Variants in SPTBN5 observed in about 807,000 individuals in gnomAD.
SPTBN5 encodes the protein spectrin beta, non-erythrocytic 5, also known as spectrin beta chain, non-erythrocytic 5.
Under a neutral mutation model 477.6 loss-of-function variants are expected in SPTBN5, and 513 were observed. That is an observed-to-expected ratio of 1.07 (90% CI 1.00 to 1.16). The LOEUF (loss-of-function observed/expected upper bound fraction) is 1.16. SPTBN5 is among the 50% of genes most tolerant of loss of function. The pLI, the probability that SPTBN5 is intolerant of heterozygous loss-of-function variation, is 0.00. For missense variants in SPTBN5, 5,062 were observed against 4,731.8 expected (o/e 1.07, Z -2.05); for synonymous variants, 2,169 against 2,011.7 (o/e 1.08, Z -2.09).
Position 41,882,427 on chromosome 15 carries a change from C to G in SPTBN5, c.2089G>C (p.Asp697His), listed in dbSNP as rs780335240. Reference protein sequence around the residue: ...EVHRHQAVCVDLVRRGRDLSA... With the variant: ...EVHRHQAVCVHLVRRGRDLSA... ...AGGTCGCGTCCCCTCCGCACGAGATCTACGCACACGGCCTGGTGGCGGTGG... is the reference window on the plus strand; with the variant it reads ...AGGTCGCGTCCCCTCCGCACGAGATGTACGCACACGGCCTGGTGGCGGTGG... The change falls in exon 11 of 68, where the codon GAT becomes CAT. Residue 697 changes from aspartate (D) to histidine (H), a missense_variant. Asp to His is a moderately conservative substitution (Grantham distance 81, BLOSUM62 -1). Coordinates refer to ENST00000320955, the MANE Select transcript of SPTBN5 (RefSeq NM_016642.4). The G allele has an allele frequency of 8.4e-6, 13 of 1,548,244 alleles. No individual in the cohort carries two copies. The African/African-American group carries it at 1.6e-4, about 19-fold the overall frequency.
rs1036860261 is a variant in SPTBN5 at position 41,848,517 on chromosome 15, C to T, written c.*99G>A. The T allele has an allele frequency of 1.2e-5, 18 of 1,452,276 alleles. 1 individual carries two copies. The highest frequency in any genetic ancestry group is 1.1e-4 in the East Asian group (5 of 44,042). The allele number at this position is 1,452,276 out of a possible 1,614,324, so 90.0% of individuals were successfully genotyped here. On this transcript the variant is annotated 3_prime_UTR_variant, in exon 68 of 68. Coordinates refer to ENST00000320955, the MANE Select transcript of SPTBN5 (RefSeq NM_016642.4). ...CTGGGGAACTGGGTTGAAGCAGCCA[C>T]GGGAAGGAGCCCTTTTGCCTGTAGC...
Position 41,876,214 on chromosome 15 carries a change from GGCTCATGCGCA to G in SPTBN5, c.4011_4021del (p.Ala1338LeufsTer18). On this transcript the variant is annotated frameshift_variant, in exon 21 of 68. Transcript: ENST00000320955. LOFTEE classifies it high-confidence loss of function. Reference sequence around the variant, plus strand: ...CAGGATGTTTCTGCGCGCTCCGGAGGGCTCATGCGCAGCCATCAGCCCCTTCTCTTCCATCC... The same window carrying G: ...CAGGATGTTTCTGCGCGCTCCGGAGGGCCATCAGCCCCTTCTCTTCCATCC... The G allele has an allele frequency of 6.2e-7, 1 of 1,604,398 alleles. No individual in the cohort carries two copies. The highest frequency in any genetic ancestry group is 8.5e-7 in the Non-Finnish European group (1 of 1,179,210).
At position 41,854,118 on chromosome 15, in the gene SPTBN5, T is replaced by A; in HGVS notation, c.9706A>T (p.Lys3236Ter). 6.3e-7 allele frequency: 1 copy of A among 1,589,370 alleles called. No homozygotes were observed. Among genetic ancestry groups the A allele is most frequent in the Admixed American group, 1.8e-5 (1 of 57,076 alleles). The change falls in exon 57 of 68, where the codon AAG becomes TAG. Residue 3236 changes from lysine (K) to a stop codon, truncating the protein, a stop_gained. Transcript: ENST00000320955. LOFTEE classifies it high-confidence loss of function. ...GRMQEKTALM[K>*]GEDGGHSLSS... ...AGGCTGTGGCCTCCGTCCTCCCCCT[T>A]CATCAGGGCCGTCTTCTCCTGCATC...
chr15:41,857,841 T>C, intron 49 of SPTBN5, 131 bp from the exon 50 acceptor site: 6 of 1,104,802 alleles, frequency 5.4e-6, no homozygotes, highest in African/African-American at 3.1e-5. Flanking sequence ...TGAGCAACTT[T>C]CTTTACCTAA....
At chr15:41,868,275 G>A in intron 33 of SPTBN5, 57 bp from the exon 34 acceptor site, 1 of 1,567,458 alleles carries the variant, frequency 6.4e-7, no homozygotes, top group Middle Eastern at 1.8e-4. Context: ...GTGAGGTGAG[G>A]ACTGGATCCT....
In SPTBN5 at chr15:41,871,843, GCCAGCCAGC is replaced by G; in HGVS notation, c.5231_5239del (p.Gly1744_Leu1746del). On this transcript the variant is annotated inframe_deletion, in exon 28 of 68. Coordinates refer to ENST00000320955, the MANE Select transcript of SPTBN5 (RefSeq NM_016642.4). ...TCCTTTGGCTGCCTGCTTCTGGCTT[GCCAGCCAGC>G]CCTGCAGGTCCTCAGCCTCCCTCAG... The G allele has an allele frequency of 6.3e-7, 1 of 1,588,402 alleles. No homozygotes were observed. Among genetic ancestry groups the G allele is most frequent in the Non-Finnish European group, 8.6e-7 (1 of 1,168,064 alleles).
Position 41,861,890 on chromosome 15 carries a change from G to A in SPTBN5, c.7582C>T (p.Leu2528=). Residue 2528 remains leucine, a synonymous_variant, in exon 45 of 68, where the codon CTG becomes TTG. Coordinates refer to ENST00000320955, the MANE Select transcript of SPTBN5 (RefSeq NM_016642.4). ...ELDSWTDSIS[L]ARSTGQQLLT... is the part of the protein sequence containing the mutation. ...AGTTGCTGCCCAGTGCTTCGGGCCA[G>A]GCTGATGCTGTCTGTCCAGGAGTCC... 1 of 1,607,762 alleles carries A rather than the reference G, an allele frequency of 6.2e-7. No individual in the cohort carries two copies. The highest frequency in any genetic ancestry group is 8.5e-7 in the Non-Finnish European group (1 of 1,179,378).
At position 41,868,544 on chromosome 15, in the gene SPTBN5, T is replaced by G; in HGVS notation, c.5911A>C (p.Ser1971Arg). Residue 1971 changes from serine to arginine, a missense_variant, in exon 33 of 68, where the codon AGT (serine) becomes CGT (arginine). Ser to Arg is a moderately radical substitution (Grantham distance 110, BLOSUM62 -1). Transcript: ENST00000320955. ...RVRQDLQVEE[S>R]SQEPSSGPLK... ...GGGCCACTGCTAGGCTCTTGCGAAC[T>G]CTCCTCCACCTGCAGGTCCTGGCGC... The G allele has an allele frequency of 6.2e-7, 1 of 1,605,824 alleles. No homozygotes were observed. The highest frequency in any genetic ancestry group is 8.5e-7 in the Non-Finnish European group (1 of 1,179,724).
chr15:41,874,047 T>C lies in SPTBN5; in HGVS notation c.4690-2A>G. On this transcript the variant is annotated splice_acceptor_variant, in intron 24 of 67. Transcript: ENST00000320955. LOFTEE classifies it high-confidence loss of function. The stretch of plus-strand genomic sequence containing the variant: ...AGCTTTTACCTCCACCTGGAGCTCC[T>C]GCCACAGAGTGGCTTGAGAGGCTGC... The C allele has an allele frequency of 6.3e-7, 1 of 1,589,126 alleles. No homozygotes were observed. Among genetic ancestry groups the C allele is most frequent in the East Asian group, 2.3e-5 (1 of 44,332 alleles).
intron 46 of SPTBN5, 135 bp from the exon 47 acceptor site, chr15:41,860,893 A>T: frequency 1.2e-6 from 1 of 848,278 alleles, no homozygotes; most frequent in Non-Finnish European, 1.7e-6. Context: ...CATCCCTCAC[A>T]TCCCTCAAGG....
Position 41,857,761 on chromosome 15 carries a change from A to G in SPTBN5, c.8227-51T>C, listed in dbSNP as rs1385029477. 6.6e-6 allele frequency: 10 copies of G among 1,514,258 alleles called. No homozygotes were observed. The East Asian group carries it at 2.5e-4, about 37-fold the overall frequency. 93.8% of individuals were successfully genotyped at this position (1,514,258 alleles called of 1,614,324 possible). On this transcript the variant is annotated intron_variant, in intron 49 of 67. Transcript: ENST00000320955. ...TTGTGGACTCAGGACTGCTGGTACC[A>G]GGGCACTTGTGTTGACTCTGACCAC...
In SPTBN5 at chr15:41,857,202, G is replaced by C. The variant is rs751331876; in HGVS notation, c.8621+36C>G. The C allele has an allele frequency of 1.9e-6, 3 of 1,562,892 alleles. No individual in the cohort carries two copies. In the South Asian group the frequency reaches 3.6e-5, roughly 19 times the overall value. ...CAGGGGTGGGGGTCCCTCCAGGAAG[G>C]CAGGGAAGAGAAGCTGAGGGCACGG... On this transcript the variant is annotated intron_variant, in intron 51 of 67. Coordinates refer to ENST00000320955, the MANE Select transcript of SPTBN5 (RefSeq NM_016642.4).
rs371915421 is a variant in SPTBN5, at chr15:41,852,209, T to C, written c.10557A>G (p.Ala3519=). Residue 3519 remains alanine (A), a synonymous_variant, in exon 62 of 68, where the codon GCA becomes GCG. Transcript: ENST00000320955. ...GGGGGTCCCTCGTCTCAGCCAGCTG[T>C]GCTCCTAGCCCCTGGTGTCCAGAGG... ...WRPSGHQGLG[A]QLAETRDPQD... 7.5e-6 allele frequency: 12 copies of C among 1,604,080 alleles called. No individual in the cohort carries two copies. The highest frequency in any genetic ancestry group is 1.0e-5 in the Non-Finnish European group (12 of 1,173,426).
At position 41,876,554 on chromosome 15, in the gene SPTBN5, C is replaced by A. The variant is rs1353634726; in HGVS notation, c.3945G>T (p.Gln1315His). 2 of 1,594,730 alleles carry A rather than the reference C, an allele frequency of 1.3e-6. No individual in the cohort carries two copies. The highest frequency in any genetic ancestry group is 1.1e-5 in the South Asian group (1 of 87,848). ...QRRRQLLASLQLQEWKQDVAE... is the reference protein window; with the variant it reads ...QRRRQLLASLHLQEWKQDVAE... ...CCTGGGCCCAGACCCTCACCTGGAGCTGGAGGGAAGCCAGCAACTGCCTCC... is the reference window on the plus strand; with the variant it reads ...CCTGGGCCCAGACCCTCACCTGGAGATGGAGGGAAGCCAGCAACTGCCTCC... Residue 1315 changes from glutamine (Q) to histidine (H), a missense_variant, in exon 20 of 68, where the codon CAG becomes CAT. Gln to His is a conservative substitution (Grantham distance 24). Transcript: ENST00000320955.
In SPTBN5 at chr15:41,882,516, G is replaced by A. The variant is rs374510616; in HGVS notation, c.2047-47C>T. 1,286 of 1,572,680 alleles carry A rather than the reference G, an allele frequency of 8.2e-4. 3 individuals are homozygous for A. The highest frequency in any genetic ancestry group is 1.0e-3 in the Non-Finnish European group (1,219 of 1,161,968). On this transcript the variant is annotated intron_variant, in intron 10 of 67. Transcript: ENST00000320955. ...GGCTCAGTGAAGGCAGAACAGGGGAGGGGGCCGGGGGCCCGAGAGGGAAGG... is the reference window on the plus strand; with the variant it reads ...GGCTCAGTGAAGGCAGAACAGGGGAAGGGGCCGGGGGCCCGAGAGGGAAGG...
At position 41,885,817 on chromosome 15, in the gene SPTBN5, C is replaced by T; in HGVS notation, c.1438G>A (p.Glu480Lys). 1.3e-6 allele frequency: 2 copies of T among 1,558,814 alleles called. No individual in the cohort carries two copies. Among genetic ancestry groups the T allele is most frequent in the Non-Finnish European group, 1.7e-6 (2 of 1,151,562 alleles). ...GMLEAGILPQ[E>K]GRFQALAEIA... ...TCAGCCAGGGCCTGGAAGCGCCCCT[C>T]CTGGGGCAGGATGCCAGCCTCCAGC... is the stretch of plus-strand genomic sequence containing the variant. Residue 480 changes from glutamate (E) to lysine (K), a missense_variant, in exon 7 of 68, where the codon GAG becomes AAG. Transcript: ENST00000320955.
At position 41,862,910 on chromosome 15, in the gene SPTBN5, G is replaced by A; in HGVS notation, c.7150-7C>T. On this transcript the variant is annotated splice_polypyrimidine_tract_variant and splice_region_variant and intron_variant, in intron 41 of 67. Coordinates refer to ENST00000320955, the MANE Select transcript of SPTBN5 (RefSeq NM_016642.4). Reference sequence around the variant, plus strand: ...GGGCCTGGATCAGGGCTTCCTGGAGGAGGGGCACGGCCAGTTACCTGCTGG... The same window carrying A: ...GGGCCTGGATCAGGGCTTCCTGGAGAAGGGGCACGGCCAGTTACCTGCTGG... The A allele has an allele frequency of 6.4e-7, 1 of 1,564,064 alleles. No individual in the cohort carries two copies. The highest frequency in any genetic ancestry group is 8.7e-7 in the Non-Finnish European group (1 of 1,155,126).
chr15:41,871,951 G>C (rs546397712), intron 27 of SPTBN5, 34 bp from the exon 28 acceptor site: 1 of 1,503,212 alleles, frequency 6.7e-7, no homozygotes, highest in African/African-American at 1.4e-5. Flanking sequence ...CCAGAAGTGA[G>C]TTGCCCACCC....
Position 41,881,991 on chromosome 15 carries a change from A to C in SPTBN5, c.2402T>G (p.Leu801Arg). ...CCGCCCCTGCTCCTCCAGCCGCCGC[A>C]GCTCGGCCGCGAAGGCGCGCAGGAC... is the stretch of plus-strand genomic sequence containing the variant. ...ERVLRAFAAELRRLEEQGRAA... is the reference protein window; with the variant it reads ...ERVLRAFAAERRRLEEQGRAA... The change falls in exon 12 of 68, where the codon CTG (leucine) becomes CGG (arginine). Residue 801 changes from leucine to arginine, a missense_variant. Coordinates refer to ENST00000320955, the MANE Select transcript of SPTBN5 (RefSeq NM_016642.4). 1 of 1,537,210 alleles carries C rather than the reference A, an allele frequency of 6.5e-7. No individual in the cohort carries two copies. Among genetic ancestry groups the C allele is most frequent in the Non-Finnish European group, 8.7e-7 (1 of 1,151,194 alleles).
Sources: gnomAD v4.1 joint callset for allele counts on GRCh38, gnomAD v4.1.1 for gene constraint, MANE v1.5 for transcripts, NCBI Gene and HGNC (gene_info 2026-07-23, HGNC 2026-07-21) for gene names.